The following PRDM6 variants were observed in gnomAD, a reference collection of about 807,000 sequenced individuals.
PRDM6 encodes the protein PR/SET domain 6.
In PRDM6, 25 loss-of-function variants were observed where a neutral mutation model predicts 60.8. The observed-to-expected ratio is 0.41, with a 90% confidence interval of 0.30 to 0.57. PRDM6 has a LOEUF of 0.57. Ranked by LOEUF, PRDM6 falls within the 20% of genes least tolerant of loss-of-function variation. The pLI, the probability that PRDM6 is intolerant of heterozygous loss-of-function variation, is 0.27. For missense variants in PRDM6, 839 were observed against 821.3 expected (o/e 1.02, Z -0.26); for synonymous variants, 407 against 357.4 (o/e 1.14, Z -1.57).
At chr5:123,163,415 C>T (rs1334656755) in intron 5 of PRDM6, among the ~76,000 whole-genome samples, 2 of 152,186 alleles carry the variant, frequency 1.3e-5, no homozygotes, top group Non-Finnish European at 2.9e-5. Flanking sequence ...GTGCCCCCTC[C>T]GCTGGCGGCC....
At chr5:123,112,040 C>T (rs915825186) in intron 3 of PRDM6, among the ~76,000 whole-genome samples, 1 of 152,184 alleles carries the variant, frequency 6.6e-6, no homozygotes, top group African/African-American at 2.4e-5. Context: ...CCCATGACTT[C>T]CATCTTTCTG....
chr5:123,193,897 G>T lies in PRDM6; in HGVS notation c.*6696G>T, dbSNP rs972288093. On this transcript the variant is annotated 3_prime_UTR_variant, in exon 8 of 8. Transcript: ENST00000407847. The stretch of plus-strand genomic sequence containing the variant: ...ACCAAATAAAATGGTTAGAGTGAAT[G>T]CCCAGTTTCACATCTGCCTTTTGGA... 6.6e-6 allele frequency: 1 copy of T among 152,160 alleles called. No homozygotes were observed. The highest frequency in any genetic ancestry group is 2.4e-5 in the African/African-American group (1 of 41,434). 9.4% of individuals were successfully genotyped at this position (152,160 alleles called of 1,614,324 possible).
intron 1 of PRDM6, 88 bp from the exon 2 acceptor site, chr5:123,089,912 G>A (rs1378926153): frequency 1.9e-5 from 19 of 984,810 alleles, no homozygotes; most frequent in Non-Finnish European, 2.5e-5. Context: ...CCACCGGCTC[G>A]GGCACTTTCT....
chr5:123,110,273 C>CTT (rs34213134), intron 3 of PRDM6, among the ~76,000 whole-genome samples: 7 of 106,200 alleles, frequency 6.6e-5, no homozygotes, highest in South Asian at 5.9e-4. Flanking sequence ...TAATCATTTC[C>CTT]TTTTTTTTTT....
chr5:123,089,545 A>T (rs1306315739), intron 1 of PRDM6, 26 bp downstream of exon 1: 2 of 158,110 alleles, frequency 1.3e-5, no homozygotes, highest in African/African-American at 4.9e-5. Context: ...TCTGGGACTT[A>T]AGAGTCTAGG....
At chr5:123,117,585 G>A (rs916609503) in intron 3 of PRDM6, among the ~76,000 whole-genome samples, 1 of 152,208 alleles carries the variant, frequency 6.6e-6, no homozygotes, top group African/African-American at 2.4e-5. Flanking sequence ...AGGAAGATGG[G>A]TTTCTTTTTG....
intron 4 of PRDM6, among the ~76,000 whole-genome samples, chr5:123,157,582 A>G (rs2126873981): frequency 6.6e-6 from 1 of 152,274 alleles, no homozygotes; most frequent in South Asian, 2.1e-4. Context: ...TCTGTTTTCG[A>G]TTACTTCAGA....
chr5:123,126,994 CT>C (rs1283477856), intron 3 of PRDM6, among the ~76,000 whole-genome samples: 1 of 152,002 alleles, frequency 6.6e-6, no homozygotes, highest in Non-Finnish European at 1.5e-5. Flanking sequence ...CAGGAAAACC[CT>C]GGCTCCCAGA....
chr5:123,157,966 T>C (rs1042507099), intron 4 of PRDM6, among the ~76,000 whole-genome samples: 3 of 152,248 alleles, frequency 2.0e-5, no homozygotes, highest in Non-Finnish European at 4.4e-5. Context: ...GGAAATATTA[T>C]CTGAAAAGGG....
chr5:123,117,854 C>T (rs1292942448), intron 3 of PRDM6, among the ~76,000 whole-genome samples: 2 of 152,170 alleles, frequency 1.3e-5, no homozygotes, highest in East Asian at 1.9e-4. Context: ...TGCTAATGGG[C>T]GCAGTTCCGA....
At chr5:123,101,580 G>T (rs540818607) in intron 3 of PRDM6, among the ~76,000 whole-genome samples, 2 of 152,178 alleles carry the variant, frequency 1.3e-5, no homozygotes, top group African/African-American at 4.8e-5. Flanking sequence ...TAAGAAAATC[G>T]TACAGCAATT....
intron 3 of PRDM6, among the ~76,000 whole-genome samples, chr5:123,123,115 A>G (rs1229165621): frequency 6.6e-6 from 1 of 152,208 alleles, no homozygotes; most frequent in Non-Finnish European, 1.5e-5. Flanking sequence ...TTACCCTCAG[A>G]AAGGTTATAT....
chr5:123,115,134 C>A (rs1454839880), intron 3 of PRDM6, among the ~76,000 whole-genome samples: 2 of 152,120 alleles, frequency 1.3e-5, no homozygotes, highest in Non-Finnish European at 2.9e-5. Context: ...CAAATGTGGG[C>A]TAATTACCAT....
intron 3 of PRDM6, among the ~76,000 whole-genome samples, chr5:123,104,888 TGA>T (rs1764171763): frequency 6.6e-6 from 1 of 152,226 alleles, no homozygotes; most frequent in South Asian, 2.1e-4. Context: ...TAAGTTGCTT[TGA>T]AAATGTCCAT....
chr5:123,190,075 T>C lies in PRDM6; in HGVS notation c.*2874T>C, dbSNP rs1482329073. 1 of 152,240 alleles carries C rather than the reference T, an allele frequency of 6.6e-6. No homozygotes were observed. 9.4% of individuals were successfully genotyped at this position (152,240 alleles called of 1,614,324 possible). On this transcript the variant is annotated 3_prime_UTR_variant, in exon 8 of 8. Transcript: ENST00000407847. ...AGTGCTATAAAGAGAGTAAATGCTC[T>C]GAATCACTGGGGAAAGGATATTTAA...
chr5:123,184,489 T>C (rs1766237808), intron 7 of PRDM6, among the ~76,000 whole-genome samples: 1 of 152,130 alleles, frequency 6.6e-6, no homozygotes. Flanking sequence ...AGCCCCTGAG[T>C]GCAAGGGCGC....
chr5:123,156,306 C>T (rs774813246), intron 4 of PRDM6, among the ~76,000 whole-genome samples: 4 of 152,068 alleles, frequency 2.6e-5, no homozygotes, highest in Non-Finnish European at 5.9e-5. Flanking sequence ...CCCAGCAAAC[C>T]CACTGACTTG....
Position 123,180,164 on chromosome 5 carries a change from A to C in PRDM6, c.1514A>C (p.His505Pro). The change falls in exon 7 of 8, where the codon CAC (histidine) becomes CCC (proline). Residue 505 changes from histidine to proline, a missense_variant. Physicochemically the swap from His to Pro is moderately conservative, Grantham distance 77. This residue lies in a region of PRDM6 where 109 missense variants were observed against 172.6 expected (regional missense o/e 0.63). Transcript: ENST00000407847. ...TGTTTCAGACCCTACCAATGCGGCC[A>C]CTGCTCCCAGTCCTTTTCCCAGCCT... The part of the protein sequence containing the change: ...QNPDRPYQCG[H>P]CSQSFSQPSE... 6.4e-7 allele frequency: 1 copy of C among 1,550,598 alleles called. No individual in the cohort carries two copies. The highest frequency in any genetic ancestry group is 8.7e-7 in the Non-Finnish European group (1 of 1,146,024).
Position 123,171,086 on chromosome 5 carries a change from G to T in PRDM6, c.1474G>T (p.Val492Leu). 1 of 1,545,652 alleles carries T rather than the reference G, an allele frequency of 6.5e-7. No individual in the cohort carries two copies. Among genetic ancestry groups the T allele is most frequent in the South Asian group, 1.2e-5 (1 of 83,168 alleles). Residue 492 changes from valine to leucine, a missense_variant, in exon 6 of 8, where the codon GTG becomes TTG. Transcript: ENST00000407847. ...CCAGCGGATCCTCTTACAGATGCAC[G>T]TGTGCACGCAGAACCCCGACAGGTA... ...FTQRILLQMHVCTQNPDRPYQ... is the reference protein window; with the variant it reads ...FTQRILLQMHLCTQNPDRPYQ...
Sources: allele counts gnomAD v4.1 joint callset (sites outside exome capture counted in the v4.1 genomes callset), GRCh38; gene constraint gnomAD v4.1.1; regional missense constraint gnomAD v4.1.1; transcripts MANE v1.5; gene names NCBI Gene and HGNC (gene_info 2026-07-23, HGNC 2026-07-21).